The following PLPP7 variants were observed in gnomAD, a reference collection of about 807,000 sequenced individuals.
The protein encoded by PLPP7 is inactive phospholipid phosphatase 7.
PLPP7 carries 11 observed loss-of-function variants against 16.9 expected under a neutral mutation model. That is an observed-to-expected ratio of 0.65 (90% CI 0.41 to 1.08). PLPP7 has a LOEUF of 1.08. PLPP7 is among the 50% of genes least tolerant of loss of function. The pLI is 0.00. For missense variants in PLPP7, 358 were observed against 397.1 expected (o/e 0.90, Z 0.84); for synonymous variants, 174 against 175.1 (o/e 0.99, Z 0.05).
chr9:131,303,280 C>T (rs189437138), intron 1 of PLPP7, among the ~76,000 whole-genome samples: 10 of 146,532 alleles, frequency 6.8e-5, no homozygotes, highest in African/African-American at 2.3e-4. Context: ...TGTGGTGAGC[C>T]GAGATCACAC....
intron 1 of PLPP7, chr9:131,291,396 A>G: frequency 8.6e-7 from 1 of 1,163,894 alleles, no homozygotes; most frequent in Non-Finnish European, 1.1e-6. Flanking sequence ...ACCACGGAGA[A>G]CATCAGTTCC....
intron 1 of PLPP7, among the ~76,000 whole-genome samples, chr9:131,294,976 G>A (rs191823897): frequency 7.3e-5 from 11 of 150,282 alleles, no homozygotes; most frequent in Admixed American, 5.3e-4. Flanking sequence ...CCTTTGAGAC[G>A]GAATCTCACT....
intron 1 of PLPP7, chr9:131,291,033 G>T: frequency 7.4e-7 from 1 of 1,356,062 alleles, no homozygotes; most frequent in Non-Finnish European, 9.9e-7. Context: ...CTTCCCAGGG[G>T]GAGTCACTGG....
rs1835724683 is a variant in PLPP7, at chr9:131,295,355, T to G, written c.451+4907T>G. ...TTTTAGTAGAGATGGGGTTTCACCA[T>G]GTTGGCCAGGCTGGTCTTGAACTGT... On this transcript the variant is annotated intron_variant, in intron 1 of 1. Transcript: ENST00000372264. This position sits in a 1 kb window ranked among gnomAD's most constrained non-coding sequence, Gnocchi z 4.0. Among the ~76,000 whole-genome samples, 1 of 151,934 alleles carries G rather than the reference T, an allele frequency of 6.6e-6. No individual in the cohort carries two copies. Among genetic ancestry groups the G allele is most frequent in the Admixed American group, 6.6e-5 (1 of 15,262 alleles).
chr9:131,307,545 CTGTCTCAAAAAAAAAAA>C, intron 1 of PLPP7, among the ~76,000 whole-genome samples: 1 of 59,724 alleles, frequency 1.7e-5, no homozygotes, highest in Non-Finnish European at 2.9e-5. Context: ...AAGTGAAACT[CTGTCTCAAAAAAAAAAA>C]AAAAAAAAAA....
intron 1 of PLPP7, among the ~76,000 whole-genome samples, chr9:131,301,813 C>CTT (rs59151233): frequency 8.7e-5 from 10 of 114,740 alleles, no homozygotes; most frequent in African/African-American, 1.3e-4. Context: ...GGAACTTGTT[C>CTT]TTTTTTTTTT....
intron 1 of PLPP7, among the ~76,000 whole-genome samples, chr9:131,294,727 G>A (rs1163011646): frequency 6.6e-6 from 1 of 152,080 alleles, no homozygotes; most frequent in Non-Finnish European, 1.5e-5. Flanking sequence ...CTGGAGTGCA[G>A]TGATAAGATC....
intron 1 of PLPP7, among the ~76,000 whole-genome samples, chr9:131,294,518 CCAGGTGA>C (rs903088621): frequency 1.3e-5 from 2 of 152,174 alleles, no homozygotes; most frequent in Non-Finnish European, 2.9e-5. Context: ...CCGAAGGGAG[CCAGGTGA>C]CAGGTGACAG....
Position 131,300,886 on chromosome 9 carries a change from T to C in PLPP7, c.452-7037T>C, listed in dbSNP as rs149780102. On this transcript the variant is annotated intron_variant, in intron 1 of 1. Transcript: ENST00000372264. ...CCGGGTGACTTAGTAAAGTCAGCCT[T>C]TCCTCCCCACATTTTCCTTGACCAC... 3.2e-3 allele frequency among the ~76,000 whole-genome samples: 488 copies of C among 152,162 alleles called. 9 individuals are homozygous for C. The highest frequency in any genetic ancestry group is 6.2e-3 in the East Asian group (32 of 5,174).
chr9:131,291,557 C>CT (rs940950338), intron 1 of PLPP7: 9,171 of 161,754 alleles, frequency 0.057, 883 homozygotes, highest in African/African-American at 0.19. Context: ...TTTCTTGTTC[C>CT]TTTTTTTTTT....
intron 1 of PLPP7, among the ~76,000 whole-genome samples, chr9:131,302,244 C>A (rs1588209832): frequency 6.6e-6 from 1 of 152,196 alleles, no homozygotes; most frequent in Middle Eastern, 3.2e-3. Flanking sequence ...TAACCCCCTC[C>A]CCATGAACTG....
chr9:131,299,110 G>C (rs1207523922), intron 1 of PLPP7, among the ~76,000 whole-genome samples: 1 of 152,218 alleles, frequency 6.6e-6, no homozygotes, highest in East Asian at 1.9e-4. Flanking sequence ...ATGGCAGGGA[G>C]CTCTGGGGGA....
chr9:131,292,567 A>T (rs914011598), intron 1 of PLPP7, among the ~76,000 whole-genome samples: 2 of 152,174 alleles, frequency 1.3e-5, no homozygotes, highest in African/African-American at 4.8e-5. Context: ...GAGCAACTCT[A>T]GCTTTGCTTT....
At chr9:131,300,522 AAAAAATC>A (rs907553713) in intron 1 of PLPP7, among the ~76,000 whole-genome samples, 1 of 151,826 alleles carries the variant, frequency 6.6e-6, no homozygotes, top group Admixed American at 6.6e-5. Flanking sequence ...CTGTCTCTAC[AAAAAATC>A]AAAAAATTAG....
intron 1 of PLPP7, among the ~76,000 whole-genome samples, chr9:131,293,928 G>A (rs1488584805): frequency 1.3e-5 from 2 of 152,162 alleles, no homozygotes; most frequent in Non-Finnish European, 2.9e-5. Flanking sequence ...GCAGTCTCTG[G>A]GCTGGGAGCA....
chr9:131,290,518 C>A lies in PLPP7; in HGVS notation c.451+70C>A. 7.1e-7 allele frequency: 1 copy of A among 1,401,142 alleles called. No homozygotes were observed. The highest frequency in any genetic ancestry group is 9.4e-7 in the Non-Finnish European group (1 of 1,059,782). The allele number at this position is 1,401,142 out of a possible 1,614,324, so 86.8% of individuals were successfully genotyped here. Reference sequence around the variant, plus strand: ...AGGCAGCCTGGCCTGCCCAACCCCACCCTGGCCGGGACCTGCACAGCCCTC... The same window carrying A: ...AGGCAGCCTGGCCTGCCCAACCCCAACCTGGCCGGGACCTGCACAGCCCTC... On this transcript the variant is annotated intron_variant, in intron 1 of 1. Transcript: ENST00000372264. This position sits in a 1 kb window ranked among gnomAD's most constrained non-coding sequence, Gnocchi z 4.2.
intron 1 of PLPP7, among the ~76,000 whole-genome samples, chr9:131,292,153 C>T (rs757720997): frequency 1.3e-5 from 2 of 152,234 alleles, no homozygotes; most frequent in Non-Finnish European, 2.9e-5. Context: ...AGGCCAGGCG[C>T]TTCCAGGGGC....
chr9:131,297,630 C>G (rs1040906831), intron 1 of PLPP7, among the ~76,000 whole-genome samples: 1 of 152,212 alleles, frequency 6.6e-6, no homozygotes, highest in African/African-American at 2.4e-5. Context: ...AAGCTATCCG[C>G]CTGCCACCGC....
chr9:131,291,154 A>T (rs558529919), intron 1 of PLPP7: 70 of 1,366,308 alleles, frequency 5.1e-5, no homozygotes, highest in Non-Finnish European at 6.6e-5. Context: ...GCCCATGTGG[A>T]GGCAAGCCAT....
Sources: gnomAD v4.1 joint callset for allele counts (sites outside exome capture counted in the v4.1 genomes callset) on GRCh38, gnomAD v4.1.1 for gene constraint, Gnocchi (gnomAD v3.1) non-coding constraint, MANE v1.5 for transcripts, NCBI Gene and HGNC (gene_info 2026-07-23, HGNC 2026-07-21) for gene names.